Variants in CNBD1 observed in about 807,000 individuals in gnomAD.
CNBD1 encodes cyclic nucleotide binding domain containing 1.
A neutral mutation model predicts 54.4 loss-of-function variants in CNBD1; 71 were observed. The observed-to-expected ratio is 1.30, with a 90% confidence interval of 1.08 to 1.59. The LOEUF (loss-of-function observed/expected upper bound fraction) is 1.59, where lower values mean the gene tolerates loss of function less well. Among genes scored for constraint, CNBD1 ranks in the 40% most tolerant of loss-of-function variants. The probability of loss-of-function intolerance (pLI) is 0.00; values close to 1 mark genes in which losing one functional copy is unlikely to be tolerated. For synonymous variants in CNBD1, 182 were observed against 170.7 expected, an observed-to-expected ratio of 1.07 and a Z score of -0.51; for missense variants, 659 against 518.0, an observed-to-expected ratio of 1.27 and a Z score of -2.64.
At chr8:87,116,440 C>T (rs1418671590) in intron 4 of CNBD1, among the ~76,000 whole-genome samples, 1 of 152,020 alleles carries the variant, frequency 6.6e-6, no homozygotes, top group African/African-American at 2.4e-5. Flanking sequence ...TCTTGAACTC[C>T]TGGGCTCAAG....
At chr8:86,955,896 G>T (rs1807754206) in intron 4 of CNBD1, among the ~76,000 whole-genome samples, 1 of 152,158 alleles carries the variant, frequency 6.6e-6, no homozygotes, top group Non-Finnish European at 1.5e-5. Flanking sequence ...TAGTCATGAA[G>T]TCCTTGCCCA....
At chr8:87,003,872 G>A (rs1160302866) in intron 4 of CNBD1, among the ~76,000 whole-genome samples, 3 of 152,228 alleles carry the variant, frequency 2.0e-5, no homozygotes, top group Admixed American at 6.5e-5. Context: ...AAAAGTGTGG[G>A]CAGAAATACT....
At chr8:87,379,773 T>C (rs1361023189) in intron 10 of CNBD1, among the ~76,000 whole-genome samples, 1 of 151,802 alleles carries the variant, frequency 6.6e-6, no homozygotes, top group African/African-American at 2.4e-5. Flanking sequence ...GTTTTATATA[T>C]AAAAAATGAA....
At chr8:87,388,798 A>C (rs1811247115) in intron 2 of CNBD1, among the ~76,000 whole-genome samples, 2 of 152,192 alleles carry the variant, frequency 1.3e-5, no homozygotes, top group Admixed American at 1.3e-4. Flanking sequence ...GACACAACAA[A>C]AAAAGACAAT....
chr8:86,929,162 G>C (rs758462819), intron 3 of CNBD1, among the ~76,000 whole-genome samples: 2 of 152,198 alleles, frequency 1.3e-5, no homozygotes, highest in Admixed American at 1.3e-4. Context: ...GGCTTTGGCA[G>C]TGTAAGACTG....
chr8:87,188,863 A>G (rs1197742384), intron 4 of CNBD1, among the ~76,000 whole-genome samples: 2 of 146,302 alleles, frequency 1.4e-5, no homozygotes, highest in Non-Finnish European at 3.0e-5. Flanking sequence ...TCTAACATGT[A>G]GGTAGAAGCT....
At chr8:86,974,393 AG>A (rs1475513559) in intron 4 of CNBD1, among the ~76,000 whole-genome samples, 1 of 152,082 alleles carries the variant, frequency 6.6e-6, no homozygotes, top group Non-Finnish European at 1.5e-5. Flanking sequence ...TTATGCCTGT[AG>A]TACCACAGAG....
At chr8:87,406,057 T>C (rs1346923121) in intron 2 of CNBD1, among the ~76,000 whole-genome samples, 1 of 152,130 alleles carries the variant, frequency 6.6e-6, no homozygotes, top group Non-Finnish European at 1.5e-5. Flanking sequence ...TAAATATTTA[T>C]CAACCTAAAA....
At chr8:87,019,565 G>T (rs1259701566) in intron 4 of CNBD1, among the ~76,000 whole-genome samples, 1 of 152,132 alleles carries the variant, frequency 6.6e-6, no homozygotes, top group East Asian at 1.9e-4. Context: ...TATCTATAAA[G>T]ATAAATTAGC....
At chr8:87,310,265 A>G (rs569529803) in intron 8 of CNBD1, among the ~76,000 whole-genome samples, 22 of 152,162 alleles carry the variant, frequency 1.4e-4, no homozygotes, top group South Asian at 6.2e-4. Flanking sequence ...TGAGGTGGGA[A>G]GATCACTTGA....
chr8:87,382,618 A>T lies in CNBD1; in HGVS notation c.1304-2A>T. 2 of 1,539,138 alleles carry T rather than the reference A, an allele frequency of 1.3e-6. No individual in the cohort carries two copies. Among genetic ancestry groups the T allele is most frequent in the Non-Finnish European group, 1.8e-6 (2 of 1,137,090 alleles). ...TCTTGTTTGTTTGTTTGCCTTTTGC[A>T]GTGGCCTAGATCTAGAAACAACCTC... On this transcript the variant is annotated splice_acceptor_variant, in intron 10 of 10. Coordinates refer to ENST00000518476, the MANE Select transcript of CNBD1 (RefSeq NM_173538.3). LOFTEE classifies it high-confidence loss of function.
chr8:86,867,047 T>A (rs1162841733), intron 1 of CNBD1, among the ~76,000 whole-genome samples: 1 of 152,204 alleles, frequency 6.6e-6, no homozygotes, highest in Non-Finnish European at 1.5e-5. Context: ...CTATTCTGAC[T>A]GTGAAATTTA....
intron 4 of CNBD1, among the ~76,000 whole-genome samples, chr8:87,149,450 A>G (rs918250217): frequency 2.0e-5 from 3 of 152,212 alleles, no homozygotes; most frequent in Non-Finnish European, 4.4e-5. Flanking sequence ...GTGATGTTAA[A>G]TAAGAGGCAT....
At chr8:87,021,485 A>G (rs552753218) in intron 4 of CNBD1, among the ~76,000 whole-genome samples, 1 of 152,360 alleles carries the variant, frequency 6.6e-6, no homozygotes, top group African/African-American at 2.4e-5. Context: ...AACTACTGAC[A>G]TACATTTTAG....
intron 3 of CNBD1, among the ~76,000 whole-genome samples, chr8:86,925,990 G>T (rs934316437): frequency 6.6e-6 from 1 of 152,140 alleles, no homozygotes. Context: ...GCTGGCTGGG[G>T]TGACCAGCTT....
chr8:87,360,165 A>G (rs565816274), intron 10 of CNBD1, among the ~76,000 whole-genome samples: 22 of 151,992 alleles, frequency 1.4e-4, no homozygotes, highest in South Asian at 8.3e-4. Context: ...CTGTACTTCA[A>G]GATAGGTAGA....
chr8:87,027,405 G>A (rs1164972247), intron 4 of CNBD1, among the ~76,000 whole-genome samples: 1 of 152,122 alleles, frequency 6.6e-6, no homozygotes, highest in African/African-American at 2.4e-5. Context: ...CTGAGTAGCT[G>A]GAACTACAGG....
At chr8:86,953,394 A>T (rs1163731971) in intron 4 of CNBD1, among the ~76,000 whole-genome samples, 1 of 152,216 alleles carries the variant, frequency 6.6e-6, no homozygotes, top group African/African-American at 2.4e-5. Flanking sequence ...TGAAAAACAC[A>T]ATTAACAAAG....
At chr8:87,238,027 C>T (rs938527093) in intron 6 of CNBD1, among the ~76,000 whole-genome samples, 1 of 138,286 alleles carries the variant, frequency 7.2e-6, no homozygotes, top group Non-Finnish European at 1.5e-5. Flanking sequence ...AAATATGCCA[C>T]GTTTAGCACA....
Sources: gnomAD v4.1 joint callset for allele counts (sites outside exome capture counted in the v4.1 genomes callset) on GRCh38, gnomAD v4.1.1 for gene constraint, MANE v1.5 for transcripts, NCBI Gene and HGNC (gene_info 2026-07-23, HGNC 2026-07-21) for gene names.